The following IL13RA1 variants were observed in gnomAD, a reference collection of about 807,000 sequenced individuals.
IL13RA1 encodes interleukin 13 receptor subunit alpha 1, also known as interleukin-13 receptor subunit alpha-1.
Under a neutral mutation model 33.8 loss-of-function variants are expected in IL13RA1, and 14 were observed. The observed-to-expected ratio is 0.41, with a 90% confidence interval of 0.27 to 0.65. IL13RA1 has a LOEUF of 0.65. IL13RA1 is among the 30% of genes least tolerant of loss of function. The pLI is 0.28. For missense variants in IL13RA1, 313 were observed against 327.0 expected, an observed-to-expected ratio of 0.96 and a Z score of 0.33; for synonymous variants, 116 against 115.7, an observed-to-expected ratio of 1.00 and a Z score of -0.02.
At chrX:118,770,213 A>G (rs1012202194) in intron 8 of IL13RA1, 2 of 297,912 alleles carry the variant, frequency 6.7e-6, no homozygotes, top group South Asian at 3.0e-5. Flanking sequence ...ACGCTGCACC[A>G]TCCAGTCAAT....
At chrX:118,730,674 A>G (rs1316046343) in intron 1 of IL13RA1, among the ~76,000 whole-genome samples, 1 of 111,732 alleles carries the variant, frequency 8.9e-6, no homozygotes, top group Non-Finnish European at 1.9e-5. Flanking sequence ...AGGAGGAAGC[A>G]AGCAGGGAGA....
intron 10 of IL13RA1, among the ~76,000 whole-genome samples, chrX:118,777,504 A>T (rs1289762093): frequency 8.9e-6 from 1 of 112,124 alleles, no homozygotes; most frequent in East Asian, 2.8e-4. Context: ...CAAAACATGC[A>T]GGAAGAAGGG....
chrX:118,805,103 C>G, the IL13RA1 span, among the ~76,000 whole-genome samples: 1 of 111,891 alleles, frequency 8.9e-6, no homozygotes, highest in Non-Finnish European at 1.9e-5. Flanking sequence ...TGTTTTCCCA[C>G]ACATGGTTTC....
intron 8 of IL13RA1, among the ~76,000 whole-genome samples, chrX:118,771,438 T>G (rs1489498493): frequency 8.9e-6 from 1 of 112,380 alleles, no homozygotes; most frequent in Non-Finnish European, 1.9e-5. Flanking sequence ...TCTGACACAG[T>G]AATGCTGGGG....
At chrX:118,780,178 A>G (rs1193845906) in intron 10 of IL13RA1, among the ~76,000 whole-genome samples, 1 of 112,441 alleles carries the variant, frequency 8.9e-6, no homozygotes, top group Non-Finnish European at 1.9e-5. Flanking sequence ...AATGAAAAAA[A>G]TCTGCTTTCT....
At position 118,791,812 on chromosome X, in the gene IL13RA1, C is replaced by T; in HGVS notation, c.1242C>T (p.Asp414=). ...IYEKQTKEET[D]SVVLIENLKK... ...AGAAGCAAACCAAGGAGGAAACCGA[C>T]TCTGTAGTGCTGATAGAAAACCTGA... Residue 414 remains aspartate, a synonymous_variant, in exon 11 of 11, where the codon GAC becomes GAT. Coordinates refer to ENST00000371666, the MANE Select transcript of IL13RA1 (RefSeq NM_001560.3). The T allele has an allele frequency of 9.3e-7, 1 of 1,073,102 alleles. No individual in the cohort carries two copies. The highest frequency in any genetic ancestry group is 3.0e-5 in the East Asian group (1 of 32,972). 88.4% of individuals were successfully genotyped at this position (1,073,102 alleles called of 1,213,427 possible).
Position 118,741,111 on chromosome X carries a change from T to C in IL13RA1, c.183T>C (p.Asn61=), listed in dbSNP as rs769491073. 1.3e-5 allele frequency: 15 copies of C among 1,160,035 alleles called. No homozygotes were observed. The East Asian group carries it at 2.1e-4, about 16-fold the overall frequency. Residue 61 remains asparagine (N), a synonymous_variant, in exon 2 of 11, where the codon AAT becomes AAC. Coordinates refer to ENST00000371666, the MANE Select transcript of IL13RA1 (RefSeq NM_001560.3). ...ATCCACCCGAGGGAGCCAGCTCAAA[T>C]TGTAGTCTATGGTATTTTAGTCATT... is the stretch of plus-strand genomic sequence containing the variant. The part of the protein sequence containing the change: ...TWNPPEGASS[N]CSLWYFSHFG...
intron 10 of IL13RA1, among the ~76,000 whole-genome samples, chrX:118,781,217 C>T (rs1230888452): frequency 3.6e-5 from 4 of 111,225 alleles, no homozygotes; most frequent in Non-Finnish European, 7.5e-5. Flanking sequence ...AAAATCTGTC[C>T]TCCCCCTGCT....
intron 4 of IL13RA1, among the ~76,000 whole-genome samples, chrX:118,754,998 G>A (rs5957054): frequency 0.06 from 5,918 of 99,333 alleles, 552 homozygotes; most frequent in African/African-American, 0.21. Context: ...CGCCAGGCTG[G>A]AGTGCAGTGG....
Position 118,748,005 on chromosome X carries a change from TTGTGTGTG to T in IL13RA1, c.367+939_367+946del, listed in dbSNP as rs61230421. On this transcript the variant is annotated intron_variant, in intron 3 of 10. Transcript: ENST00000371666. Reference sequence around the variant, plus strand: ...AATAGTGCCTGGCAAAGAGTGAATGTTGTGTGTGTGTGTGTGTGTGTGTGTGTGTGTGT... The same window carrying T: ...AATAGTGCCTGGCAAAGAGTGAATGTTGTGTGTGTGTGTGTGTGTGTGTGT... Among the ~76,000 whole-genome samples the T allele has an allele frequency of 7.9e-5, 7 of 88,855 alleles. No homozygotes were observed. In the East Asian group the frequency reaches 1.3e-3, roughly 17 times the overall value. The allele number at this position is 88,855 out of a possible 115,157, so 77.2% of individuals were successfully genotyped here.
chrX:118,758,729 T>C (rs931260370), intron 5 of IL13RA1: 2 of 111,997 alleles, frequency 1.8e-5, no homozygotes, highest in African/African-American at 6.5e-5. Flanking sequence ...GTTAGGGAGT[T>C]GAGCATGCTA....
chrX:118,763,259 TG>T (rs1424779013), intron 6 of IL13RA1, among the ~76,000 whole-genome samples: 1 of 112,917 alleles, frequency 8.9e-6, no homozygotes, highest in Non-Finnish European at 1.9e-5. Context: ...GTGCAGTTCC[TG>T]CTACTAAATA....
chrX:118,800,986 C>G, the IL13RA1 span, among the ~76,000 whole-genome samples: 2 of 111,252 alleles, frequency 1.8e-5, no homozygotes, highest in Non-Finnish European at 3.8e-5. Context: ...ATGGGGGTCT[C>G]CCTGTGTTGC....
rs753254676 is a variant in IL13RA1, at chrX:118,766,697, A to G, written c.876+120A>G. ...TACGTTGTTCCGTGAGTTATTGACAATTTTTTCGAAAAGTCAAAGATAATT... is the reference window on the plus strand; with the variant it reads ...TACGTTGTTCCGTGAGTTATTGACAGTTTTTTCGAAAAGTCAAAGATAATT... On this transcript the variant is annotated intron_variant, in intron 7 of 10. Transcript: ENST00000371666. 6.5e-4 allele frequency: 389 copies of G among 594,003 alleles called. 2 individuals are homozygous for G. The South Asian group carries it at 9.1e-3, about 14-fold the overall frequency. 49.0% of individuals were successfully genotyped at this position (594,003 alleles called of 1,213,427 possible).
chrX:118,788,277 A>C (rs926166062), intron 10 of IL13RA1, among the ~76,000 whole-genome samples: 2 of 111,790 alleles, frequency 1.8e-5, no homozygotes, highest in African/African-American at 3.3e-5. Flanking sequence ...GAATATTCAA[A>C]AACGATGCTG....
At chrX:118,732,600 C>G (rs2017235133) in intron 1 of IL13RA1, among the ~76,000 whole-genome samples, 1 of 107,440 alleles carries the variant, frequency 9.3e-6, no homozygotes, top group Non-Finnish European at 1.9e-5. Flanking sequence ...TCCCCTTCCT[C>G]TGTCCAAGTG....
intron 3 of IL13RA1, 21 bp downstream of exon 3, chrX:118,747,113 C>T (rs752136758): frequency 3.8e-6 from 4 of 1,044,678 alleles, no homozygotes; most frequent in South Asian, 4.0e-5. Flanking sequence ...AAAGCGCTAT[C>T]TCTTGGTGTT....
chrX:118,784,129 G>GTATATATATA (rs72041786), intron 10 of IL13RA1, among the ~76,000 whole-genome samples: 7 of 61,514 alleles, frequency 1.1e-4, no homozygotes, highest in East Asian at 6.4e-4. Context: ...GTATATATAT[G>GTATATATATA]TATATATATA....
chrX:118,781,511 C>T (rs1407615929), intron 10 of IL13RA1, among the ~76,000 whole-genome samples: 1 of 111,275 alleles, frequency 9.0e-6, no homozygotes, highest in Non-Finnish European at 1.9e-5. Context: ...GCCACCATGC[C>T]TGGCTAATTT....
Sources: gnomAD v4.1 joint callset for allele counts (sites outside exome capture counted in the v4.1 genomes callset) on GRCh38, gnomAD v4.1.1 for gene constraint, MANE v1.5 for transcripts, NCBI Gene and HGNC (gene_info 2026-07-23, HGNC 2026-07-21) for gene names.